Variants in AGFG1 observed in about 807,000 individuals in gnomAD.
The protein encoded by AGFG1 is ArfGAP with FG repeats 1.
Under a neutral mutation model 60.6 loss-of-function variants are expected in AGFG1, and 10 were observed. The ratio of observed to expected loss-of-function variants is 0.16; its 90% CI spans 0.10 to 0.28. AGFG1 has a LOEUF of 0.28. Among genes scored for constraint, AGFG1 ranks in the 10% least tolerant of loss-of-function variants. The pLI is 1.00. For missense variants in AGFG1, 537 were observed against 676.5 expected, an observed-to-expected ratio of 0.79 and a Z score of 2.29; for synonymous variants, 247 against 242.9, an observed-to-expected ratio of 1.02 and a Z score of -0.16.
At chr2:227,541,876 C>T (rs1038260268) in intron 10 of AGFG1, among the ~76,000 whole-genome samples, 7 of 152,124 alleles carry the variant, frequency 4.6e-5, no homozygotes, top group Admixed American at 4.6e-4. Context: ...TTTCATTGAG[C>T]AGTGGTTTGT....
chr2:227,553,348 T>C (rs1692878422), intron 11 of AGFG1, among the ~76,000 whole-genome samples: 1 of 151,850 alleles, frequency 6.6e-6, no homozygotes, highest in Non-Finnish European at 1.5e-5. Context: ...ATACAAAAAT[T>C]AGCTGGGCGT....
At chr2:227,509,333 A>T (rs2106192538) in intron 2 of AGFG1, among the ~76,000 whole-genome samples, 1 of 151,100 alleles carries the variant, frequency 6.6e-6, no homozygotes, top group South Asian at 2.1e-4. Flanking sequence ...CAAAGATATC[A>T]TAGTCATGAA....
At chr2:227,544,537 C>G (rs1232120786) in intron 10 of AGFG1, among the ~76,000 whole-genome samples, 1 of 152,152 alleles carries the variant, frequency 6.6e-6, no homozygotes, top group African/African-American at 2.4e-5. Flanking sequence ...TTAGTTGATG[C>G]AGTTTCTTCC....
rs555685789 is a variant in AGFG1 at position 227,543,427 on chromosome 2, A to G, written c.1378+6434A>G. Among the ~76,000 whole-genome samples, 4 of 152,274 alleles carry G rather than the reference A, an allele frequency of 2.6e-5. No homozygotes were observed. In the South Asian group the frequency reaches 8.3e-4, roughly 32 times the overall value. ...TTCATTATTCACCCAGTAGTCATTC[A>G]GGAGCAGGTTGTTCAGTTTCCATGT... On this transcript the variant is annotated intron_variant, in intron 10 of 12. Coordinates refer to ENST00000310078, the MANE Select transcript of AGFG1 (RefSeq NM_004504.5).
At position 227,557,001 on chromosome 2, in the gene AGFG1, TAAAG is replaced by T. The variant is rs1282715923; in HGVS notation, c.*2510_*2513del. Reference sequence around the variant, plus strand: ...TCTCATGATATTCACTGTTTATTATTAAAGAAAATCAGCTTTCGTTAGACTTTTA... The same window carrying T: ...TCTCATGATATTCACTGTTTATTATTAAAATCAGCTTTCGTTAGACTTTTA... On this transcript the variant is annotated 3_prime_UTR_variant, in exon 13 of 13. Coordinates refer to ENST00000310078, the MANE Select transcript of AGFG1 (RefSeq NM_004504.5). 1 of 152,182 alleles carries T rather than the reference TAAAG, an allele frequency of 6.6e-6. No individual in the cohort carries two copies. The highest frequency in any genetic ancestry group is 1.5e-5 in the Non-Finnish European group (1 of 68,024). The allele number at this position is 152,182 out of a possible 1,614,324, so 9.4% of individuals were successfully genotyped here.
At position 227,514,506 on chromosome 2, in the gene AGFG1, T is replaced by G. The variant is rs181814646; in HGVS notation, c.262-5442T>G. On this transcript the variant is annotated intron_variant, in intron 2 of 12. Transcript: ENST00000310078. ...ACTGCACCTGGCCAAACTAATACTA[T>G]TTAAAGTTTATATACCTGTTCCCAG... Among the ~76,000 whole-genome samples, 5 of 152,342 alleles carry G rather than the reference T, an allele frequency of 3.3e-5. No homozygotes were observed. In the East Asian group the frequency reaches 9.6e-4, roughly 29 times the overall value.
At chr2:227,503,070 A>C (rs1691207904) in intron 2 of AGFG1, among the ~76,000 whole-genome samples, 1 of 151,872 alleles carries the variant, frequency 6.6e-6, no homozygotes, top group Non-Finnish European at 1.5e-5. Context: ...CTGTCTCTAC[A>C]AAAAATACAA....
At chr2:227,490,458 G>T (rs1376532781) in intron 1 of AGFG1, among the ~76,000 whole-genome samples, 1 of 151,844 alleles carries the variant, frequency 6.6e-6, no homozygotes, top group Non-Finnish European at 1.5e-5. Flanking sequence ...GGTACCTGTA[G>T]TCCCAGCTAC....
chr2:227,538,662 C>T (rs1310842220), intron 10 of AGFG1, among the ~76,000 whole-genome samples: 1 of 152,140 alleles, frequency 6.6e-6, no homozygotes, highest in African/African-American at 2.4e-5. Context: ...ATGGTCTTTG[C>T]GTTACAGCAT....
chr2:227,503,606 G>A (rs532343536), intron 2 of AGFG1, among the ~76,000 whole-genome samples: 1 of 152,250 alleles, frequency 6.6e-6, no homozygotes, highest in South Asian at 2.1e-4. Flanking sequence ...ACCAAGTGGT[G>A]GAATCTGGGA....
chr2:227,478,180 G>T (rs1241613587), intron 1 of AGFG1, among the ~76,000 whole-genome samples: 1 of 150,554 alleles, frequency 6.6e-6, no homozygotes, highest in Admixed American at 6.6e-5. Context: ...CTCATTGTAT[G>T]CAGTCAAGTT....
chr2:227,548,763 C>T (rs1056021775), intron 10 of AGFG1, among the ~76,000 whole-genome samples: 1 of 152,048 alleles, frequency 6.6e-6, no homozygotes, highest in African/African-American at 2.4e-5. Context: ...CGGTGAAACC[C>T]CGTCTCTACT....
At chr2:227,495,665 G>A (rs751224211) in intron 2 of AGFG1, among the ~76,000 whole-genome samples, 6 of 152,066 alleles carry the variant, frequency 3.9e-5, no homozygotes, top group African/African-American at 9.7e-5. Flanking sequence ...TAAAGTTAAC[G>A]GAAGGTGGAC....
chr2:227,514,608 TA>T (rs1459917335), intron 2 of AGFG1, among the ~76,000 whole-genome samples: 1 of 152,216 alleles, frequency 6.6e-6, no homozygotes, highest in Non-Finnish European at 1.5e-5. Flanking sequence ...ATTTTACAGA[TA>T]AATGTTAACT....
At position 227,524,888 on chromosome 2, in the gene AGFG1, A is replaced by G; in HGVS notation, c.667A>G (p.Asn223Asp). ...GTCAACAGCTACAGCCAATTTTGCT[A>G]ACTTTGCACATTTCAACAGTCATGC... Reference protein sequence around the residue: ...PQSTATANFANFAHFNSHAAQ... With the variant: ...PQSTATANFADFAHFNSHAAQ... Residue 223 changes from asparagine (N) to aspartate (D), a missense_variant, in exon 5 of 13, where the codon AAC becomes GAC. This residue lies in a region of AGFG1 where 102 missense variants were observed against 82.9 expected (regional missense o/e 1.23). Coordinates refer to ENST00000310078, the MANE Select transcript of AGFG1 (RefSeq NM_004504.5). 2 of 1,614,126 alleles carry G rather than the reference A, an allele frequency of 1.2e-6. No homozygotes were observed. Among genetic ancestry groups the G allele is most frequent in the Middle Eastern group, 1.6e-4 (1 of 6,062 alleles).
At chr2:227,483,931 T>G (rs954491369) in intron 1 of AGFG1, among the ~76,000 whole-genome samples, 2 of 152,184 alleles carry the variant, frequency 1.3e-5, no homozygotes, top group African/African-American at 4.8e-5. Flanking sequence ...CTTTTTTTTA[T>G]TATACTTTAA....
chr2:227,538,757 T>G (rs971173836), intron 10 of AGFG1, among the ~76,000 whole-genome samples: 1 of 152,236 alleles, frequency 6.6e-6, no homozygotes, highest in Admixed American at 6.5e-5. Context: ...GGCCTTTTTT[T>G]GCTTATTTTA....
chr2:227,474,605 T>G (rs2106147500), intron 1 of AGFG1, among the ~76,000 whole-genome samples: 1 of 152,370 alleles, frequency 6.6e-6, no homozygotes, highest in Admixed American at 6.5e-5. Context: ...ACCTGGATCT[T>G]AACTGTTCTA....
At chr2:227,536,567 T>C (rs1692319596) in intron 8 of AGFG1, 58 bp from the exon 9 acceptor site, 1 of 1,461,472 alleles carries the variant, frequency 6.8e-7, no homozygotes, top group Non-Finnish European at 9.6e-7. Context: ...ACCCTGTAAA[T>C]CGTTACTTTC....
Sources: gnomAD v4.1 joint callset for allele counts (sites outside exome capture counted in the v4.1 genomes callset) on GRCh38, gnomAD v4.1.1 for gene constraint, gnomAD v4.1.1 regional missense constraint, MANE v1.5 for transcripts, NCBI Gene and HGNC (gene_info 2026-07-23, HGNC 2026-07-21) for gene names.